Variants in CD109 observed in about 807,000 individuals in gnomAD.
The protein encoded by CD109 is CD109 molecule.
Under a neutral mutation model 165.8 loss-of-function variants are expected in CD109, and 149 were observed. The ratio of observed to expected loss-of-function variants is 0.90; its 90% CI spans 0.79 to 1.03. The LOEUF (loss-of-function observed/expected upper bound fraction) is 1.03. CD109 is among the 50% of genes least tolerant of loss of function. The pLI, the probability that CD109 is intolerant of heterozygous loss-of-function variation, is 0.00. For synonymous variants in CD109, 585 were observed against 592.1 expected (o/e 0.99, Z 0.18); for missense variants, 1,712 against 1,677.8 (o/e 1.02, Z -0.36).
At chr6:73,777,965 T>A (rs911023418) in intron 15 of CD109, among the ~76,000 whole-genome samples, 1 of 152,246 alleles carries the variant, frequency 6.6e-6, no homozygotes, top group African/African-American at 2.4e-5. Flanking sequence ...AGTAGTTTAA[T>A]AGGAATAGCA....
At chr6:73,716,776 A>G (rs1189210736) in intron 2 of CD109, among the ~76,000 whole-genome samples, 2 of 152,120 alleles carry the variant, frequency 1.3e-5, no homozygotes, top group Admixed American at 1.3e-4. Flanking sequence ...GAAGCTTTTT[A>G]ACTTGACGTG....
At chr6:73,706,929 G>T (rs1645616435) in intron 2 of CD109, among the ~76,000 whole-genome samples, 1 of 152,196 alleles carries the variant, frequency 6.6e-6, no homozygotes, top group Admixed American at 6.5e-5. Context: ...AGCTCCTCAG[G>T]AATATAGATA....
At chr6:73,738,069 A>C (rs1772614982) in intron 5 of CD109, among the ~76,000 whole-genome samples, 2 of 152,236 alleles carry the variant, frequency 1.3e-5, no homozygotes, top group Non-Finnish European at 1.5e-5. Flanking sequence ...TCATGGTGAC[A>C]TGAACAATAT....
chr6:73,686,756 A>G, the CD109 span, among the ~76,000 whole-genome samples: 1 of 152,160 alleles, frequency 6.6e-6, no homozygotes, highest in African/African-American at 2.4e-5. Flanking sequence ...TAGTGGCACA[A>G]TCTCAGCTCA....
chr6:73,730,632 G>A, intron 4 of CD109, 58 bp downstream of exon 4: 1 of 1,116,368 alleles, frequency 9.0e-7, no homozygotes, highest in Non-Finnish European at 1.3e-6. Flanking sequence ...AACCCCTCTG[G>A]GAAGTTCTGC....
At chr6:73,765,464 A>G (rs1474670470) in intron 10 of CD109, among the ~76,000 whole-genome samples, 1 of 152,194 alleles carries the variant, frequency 6.6e-6, no homozygotes, top group African/African-American at 2.4e-5. Context: ...CAAGGTGTCC[A>G]GGATATCCAA....
chr6:73,781,186 G>T, intron 16 of CD109, 73 bp from the exon 17 acceptor site: 2 of 1,249,644 alleles, frequency 1.6e-6, no homozygotes, highest in East Asian at 2.4e-5. Context: ...TCAGGAGTTT[G>T]GGAGACTGCC....
chr6:73,795,317 A>C (rs190340687), intron 23 of CD109, among the ~76,000 whole-genome samples: 13 of 151,816 alleles, frequency 8.6e-5, no homozygotes, highest in Admixed American at 7.9e-4. Flanking sequence ...AGAAAGCATA[A>C]ATTTTACATA....
chr6:73,812,612 A>G (rs1285879703), intron 29 of CD109, among the ~76,000 whole-genome samples: 1 of 152,092 alleles, frequency 6.6e-6, no homozygotes, highest in African/African-American at 2.4e-5. Context: ...AGAAGTCAAC[A>G]TGGTAGAATT....
chr6:73,682,865 G>A, the CD109 span, among the ~76,000 whole-genome samples: 19 of 151,406 alleles, frequency 1.3e-4, no homozygotes, highest in African/African-American at 3.9e-4. Flanking sequence ...CTGAAACCAC[G>A]GCCCGAGCTC....
In CD109 at chr6:73,785,480, A is replaced by G. The variant is rs77238980; in HGVS notation, c.2337+3A>G. On this transcript the variant is annotated splice_donor_region_variant and intron_variant, in intron 20 of 32. Transcript: ENST00000287097. ...ATTATTTGAAAGATGCCACTGAGGT[A>G]ATGTATTCAAGCTTTTGTTGATCAT... The G allele has an allele frequency of 4.3e-3, 6,315 of 1,469,146 alleles. 249 individuals carry two copies. The African/African-American group carries it at 0.078, about 18-fold the overall frequency. 91.0% of individuals were successfully genotyped at this position (1,469,146 alleles called of 1,614,324 possible).
In CD109 at chr6:73,760,406, C is replaced by CAAAA. The variant is rs35181896; in HGVS notation, c.758+1405_758+1408dup. ...TGGGCTAAAGAGCGGGACCCCGTCT[C>CAAAA]AAAAAAAAAAAAAAAAAAAAAAAAA... On this transcript the variant is annotated intron_variant, in intron 7 of 32. Coordinates refer to ENST00000287097, the MANE Select transcript of CD109 (RefSeq NM_133493.5). Among the ~76,000 whole-genome samples, 15 of 16,596 alleles carry CAAAA rather than the reference C, an allele frequency of 9.0e-4. 1 individual carries two copies. The highest frequency in any genetic ancestry group is 3.4e-3 in the South Asian group (1 of 296). 10.9% of individuals were successfully genotyped at this position (16,596 alleles called of 152,430 possible). A position where few individuals can be genotyped will look rare whatever the true frequency, so the allele number is the denominator to read the frequency against.
At chr6:73,803,362 A>G (rs1775447678) in intron 24 of CD109, 61 bp downstream of exon 24, 2 of 1,231,650 alleles carry the variant, frequency 1.6e-6, no homozygotes, top group East Asian at 2.4e-5. Context: ...CTAGGTCACA[A>G]TAGCCACGAA....
intron 5 of CD109, among the ~76,000 whole-genome samples, chr6:73,754,620 A>G (rs1400189590): frequency 6.6e-6 from 1 of 152,208 alleles, no homozygotes; most frequent in Non-Finnish European, 1.5e-5. Context: ...GATTTCCTAT[A>G]TTTGTAAAAG....
At chr6:73,707,960 CTT>C (rs1554168210) in intron 2 of CD109, among the ~76,000 whole-genome samples, 1 of 106,378 alleles carries the variant, frequency 9.4e-6, no homozygotes, top group African/African-American at 4.0e-5. Context: ...AAATTGTTAT[CTT>C]TATATATATA....
chr6:73,820,430 A>G, intron 31 of CD109, 31 bp from the exon 32 acceptor site: 3 of 1,255,086 alleles, frequency 2.4e-6, no homozygotes, highest in South Asian at 1.3e-5. Flanking sequence ...ACAGTGTGCC[A>G]ACCCCTTAAG....
intron 2 of CD109, among the ~76,000 whole-genome samples, chr6:73,710,495 A>T (rs977878173): frequency 6.6e-6 from 1 of 152,188 alleles, no homozygotes; most frequent in African/African-American, 2.4e-5. Context: ...AAGAATCAAT[A>T]TCTTGAAAAT....
In CD109 at chr6:73,780,461, A is replaced by T. The variant is rs752973821; in HGVS notation, c.1865A>T (p.Tyr622Phe). The change falls in exon 16 of 33, where the codon TAT (tyrosine) becomes TTT (phenylalanine). Residue 622 changes from tyrosine to phenylalanine, a missense_variant. Coordinates refer to ENST00000287097, the MANE Select transcript of CD109 (RefSeq NM_133493.5). ...HELELYNTGY[Y>F]LGMFMNSFAV... ...TTGGAACTTTATAACACAGGATATTATTTAGGCATGTTCATGAATTCTTTT... is the reference window on the plus strand; with the variant it reads ...TTGGAACTTTATAACACAGGATATTTTTTAGGCATGTTCATGAATTCTTTT... 1 of 1,608,734 alleles carries T rather than the reference A, an allele frequency of 6.2e-7. No homozygotes were observed. The highest frequency in any genetic ancestry group is 8.5e-7 in the Non-Finnish European group (1 of 1,175,844).
chr6:73,763,469 G>T, intron 9 of CD109, 107 bp from the exon 10 acceptor site: 1 of 599,076 alleles, frequency 1.7e-6, no homozygotes, highest in Non-Finnish European at 3.0e-6. Context: ...TATGTGCCCT[G>T]ATATTTTTAA....
Sources: gnomAD v4.1 joint callset for allele counts (sites outside exome capture counted in the v4.1 genomes callset) on GRCh38, gnomAD v4.1.1 for gene constraint, MANE v1.5 for transcripts, NCBI Gene and HGNC (gene_info 2026-07-23, HGNC 2026-07-21) for gene names.